Variants in APOA4 observed in about 807,000 individuals in gnomAD.
APOA4 encodes the protein apolipoprotein A4, also known as apolipoprotein A-IV.
Under a neutral mutation model 33.6 loss-of-function variants are expected in APOA4, and 25 were observed. That is an observed-to-expected ratio of 0.74 (90% confidence interval 0.54 to 1.04). APOA4 has a LOEUF of 1.04. Among genes scored for constraint, APOA4 ranks in the 50% least tolerant of loss-of-function variants. The probability of loss-of-function intolerance (pLI) is 0.00; values close to 1 mark genes in which losing one functional copy is unlikely to be tolerated. For synonymous variants in APOA4, 228 were observed against 224.0 expected, an observed-to-expected ratio of 1.02 and a Z score of -0.16; for missense variants, 549 against 510.4, an observed-to-expected ratio of 1.08 and a Z score of -0.73.
intron 1 of APOA4, 51 bp downstream of exon 1, chr11:116,823,092 C>T (rs770215184): frequency 3.1e-6 from 5 of 1,607,108 alleles, no homozygotes; most frequent in Non-Finnish European, 3.4e-6. Flanking sequence ...CCATCCTGCA[C>T]TACTCAGAGC....
Position 116,822,785 on chromosome 11 carries a change from C to G in APOA4, c.50G>C (p.Gly17Ala), listed in dbSNP as rs757213482. Residue 17 changes from glycine (G) to alanine (A), a missense_variant and splice_region_variant, in exon 2 of 3, where the codon GGA becomes GCA. Physicochemically the swap from Gly to Ala is moderately conservative, Grantham distance 60. Coordinates refer to ENST00000357780, the MANE Select transcript of APOA4 (RefSeq NM_000482.4). Reference sequence around the variant, plus strand: ...GTCAGCACTGACCTCAGCCCTGGCTCCTGGGTGGTAACAGAGAGCAATTCA... The same window carrying G: ...GTCAGCACTGACCTCAGCCCTGGCTGCTGGGTGGTAACAGAGAGCAATTCA... Reference protein sequence around the residue: ...VLTLALVAVAGARAEVSADQV... With the variant: ...VLTLALVAVAAARAEVSADQV... 1 of 1,613,860 alleles carries G rather than the reference C, an allele frequency of 6.2e-7. No homozygotes were observed. Among genetic ancestry groups the G allele is most frequent in the African/African-American group, 1.3e-5 (1 of 74,916 alleles).
chr11:116,821,370 T>G lies in APOA4; in HGVS notation c.688A>C (p.Thr230Pro). The G allele has an allele frequency of 6.2e-7, 1 of 1,614,170 alleles. No homozygotes were observed. Among genetic ancestry groups the G allele is most frequent in the Non-Finnish European group, 8.5e-7 (1 of 1,180,022 alleles). ...RRSLAPYAQD[T>P]QEKLNHQLEG... is the part of the protein sequence containing the mutation. ...AGCTGGTGGTTGAGCTTCTCCTGCG[T>G]GTCCTGAGCATAGGGAGCCAGGCTG... Residue 230 changes from threonine to proline, a missense_variant, in exon 3 of 3, where the codon ACG (threonine) becomes CCG (proline). Thr to Pro is a conservative substitution (Grantham distance 38). Transcript: ENST00000357780.
At position 116,820,819 on chromosome 11, in the gene APOA4, G is replaced by A; in HGVS notation, c.*48C>T. ...GGGACAGACAGACAGACAGGTGGCA[G>A]GGCAGGGCAGGTGTCCACGAGGGTG... On this transcript the variant is annotated 3_prime_UTR_variant, in exon 3 of 3. Transcript: ENST00000357780. 6.3e-7 allele frequency: 1 copy of A among 1,598,998 alleles called. No homozygotes were observed.
rs752656206 is a variant in APOA4 at position 116,820,950 on chromosome 11, G to T, written c.1108C>A (p.Leu370Ile). ...TCCTGCTGTTGCTCCAGCTCAGGGA[G>T]GGAGAGAGTCTTGTCCTGGCTCTCT... is the stretch of plus-strand genomic sequence containing the variant. ...EKESQDKTLS[L>I]PELEQQQEQQ... is the part of the protein sequence containing the mutation. Residue 370 changes from leucine (L) to isoleucine (I), a missense_variant, in exon 3 of 3, where the codon CTC (leucine) becomes ATC (isoleucine). By Grantham distance (5) the Leu-to-Ile change is conservative. Coordinates refer to ENST00000357780, the MANE Select transcript of APOA4 (RefSeq NM_000482.4). 1.2e-6 allele frequency: 2 copies of T among 1,613,960 alleles called. No homozygotes were observed. Among genetic ancestry groups the T allele is most frequent in the African/African-American group, 2.7e-5 (2 of 74,796 alleles).
rs13306173 is a variant in APOA4 at position 116,821,879 on chromosome 11, G to T, written c.179C>A (p.Ala60Asp). The change falls in exon 3 of 3, where the codon GCC becomes GAC. Residue 60 changes from alanine to aspartate, a missense_variant and splice_region_variant. By Grantham distance (126) the Ala-to-Asp change is moderately radical. Coordinates refer to ENST00000357780, the MANE Select transcript of APOA4 (RefSeq NM_000482.4). ...TTCTCCAAGTTTGTCCTGGAAGAGG[G>T]CACTGTGGGGAAGGGCACAAGGAGG... ...QKSELTQQLN[A>D]LFQDKLGEVN... 276 of 1,613,456 alleles carry T rather than the reference G, an allele frequency of 1.7e-4. 2 individuals are homozygous for T. The East Asian group carries it at 6.1e-3, about 35-fold the overall frequency.
chr11:116,822,901 G>T (rs1377467515), intron 1 of APOA4, 116 bp from the exon 2 acceptor site: 5 of 1,552,140 alleles, frequency 3.2e-6, no homozygotes, highest in African/African-American at 1.4e-5. Flanking sequence ...CATTTTCCCT[G>T]TCTGAGCTTA....
At chr11:116,821,984 G>C in intron 2 of APOA4, 103 bp from the exon 3 acceptor site, 1 of 1,486,222 alleles carries the variant, frequency 6.7e-7, no homozygotes, top group Non-Finnish European at 9.3e-7. Context: ...GCTAGGACAG[G>C]TGAGTGCTCA....
At chr11:116,822,932 A>C in intron 1 of APOA4, 147 bp from the exon 2 acceptor site, 1 of 1,449,906 alleles carries the variant, frequency 6.9e-7, no homozygotes, top group Non-Finnish European at 9.5e-7. Context: ...AGCCACAGGG[A>C]TATGTGAAAC....
At position 116,821,253 on chromosome 11, in the gene APOA4, G is replaced by A. The variant is rs1591322206; in HGVS notation, c.805C>T (p.Pro269Ser). ...SAEELRQRLAPLAEDVRGNLR... is the reference protein window; with the variant it reads ...SAEELRQRLASLAEDVRGNLR... ...TTGCCACGCACGTCCTCGGCCAAGG[G>A]CGCCAGCCTCTGCCGCAGCTCCTCG... The change falls in exon 3 of 3, where the codon CCC becomes TCC. Residue 269 changes from proline to serine, a missense_variant. Coordinates refer to ENST00000357780, the MANE Select transcript of APOA4 (RefSeq NM_000482.4). 1.9e-6 allele frequency: 3 copies of A among 1,613,138 alleles called. No individual in the cohort carries two copies. The highest frequency in any genetic ancestry group is 1.1e-5 in the South Asian group (1 of 91,076).
intron 2 of APOA4, 86 bp from the exon 3 acceptor site, chr11:116,821,967 C>A: frequency 1.3e-6 from 2 of 1,565,108 alleles, no homozygotes; most frequent in South Asian, 2.2e-5. Context: ...TCGCCTTATG[C>A]ACACGTGCTA....
intron 1 of APOA4, 119 bp downstream of exon 1, chr11:116,823,024 C>T: frequency 7.0e-7 from 1 of 1,433,982 alleles, no homozygotes; most frequent in Admixed American, 1.7e-5. Context: ...AGGCAGACCT[C>T]ATGTCCAGCT....
rs751283052 is a variant in APOA4, at chr11:116,821,235, G to A, written c.823C>T (p.Arg275Cys). The change falls in exon 3 of 3, where the codon CGT (arginine) becomes TGT (cysteine). Residue 275 changes from arginine (R) to cysteine (C), a missense_variant. Transcript: ENST00000357780. ...QRLAPLAEDV[R>C]GNLRGNTEGL... ...TCGGTGTTGCCCCTCAGGTTGCCACGCACGTCCTCGGCCAAGGGCGCCAGC... is the reference window on the plus strand; with the variant it reads ...TCGGTGTTGCCCCTCAGGTTGCCACACACGTCCTCGGCCAAGGGCGCCAGC... 76 of 1,612,838 alleles carry A rather than the reference G, an allele frequency of 4.7e-5. No homozygotes were observed. Among genetic ancestry groups the A allele is most frequent in the South Asian group, 8.8e-5 (8 of 91,078 alleles).
At position 116,820,841 on chromosome 11, in the gene APOA4, G is replaced by A. The variant is rs199639374; in HGVS notation, c.*26C>T. On this transcript the variant is annotated 3_prime_UTR_variant, in exon 3 of 3. Coordinates refer to ENST00000357780, the MANE Select transcript of APOA4 (RefSeq NM_000482.4). ...GCAGGGCAGGGCAGGTGTCCACGAGGGTGGGGCCAGTGCACCAGGGGCAGC... is the reference window on the plus strand; with the variant it reads ...GCAGGGCAGGGCAGGTGTCCACGAGAGTGGGGCCAGTGCACCAGGGGCAGC... 41 of 1,611,290 alleles carry A rather than the reference G, an allele frequency of 2.5e-5. No homozygotes were observed. In the African/African-American group the frequency reaches 4.0e-4, roughly 16 times the overall value.
rs757539189 is a variant in APOA4, at chr11:116,821,841, C to A, written c.217G>T (p.Ala73Ser). The change falls in exon 3 of 3, where the codon GCA becomes TCA. Residue 73 changes from alanine (A) to serine (S), a missense_variant. Coordinates refer to ENST00000357780, the MANE Select transcript of APOA4 (RefSeq NM_000482.4). ...QDKLGEVNTY[A>S]GDLQKKLVPF... Reference sequence around the variant, plus strand: ...ACCAGCTTCTTCTGCAGGTCACCTGCGTAAGTGTTCACTTCTCCAAGTTTG... The same window carrying A: ...ACCAGCTTCTTCTGCAGGTCACCTGAGTAAGTGTTCACTTCTCCAAGTTTG... The A allele has an allele frequency of 8.7e-6, 14 of 1,614,044 alleles. No individual in the cohort carries two copies. Among genetic ancestry groups the A allele is most frequent in the South Asian group, 2.2e-5 (2 of 91,086 alleles).
chr11:116,822,021 G>A, intron 2 of APOA4, 140 bp from the exon 3 acceptor site: 1 of 1,079,838 alleles, frequency 9.3e-7, no homozygotes, highest in Non-Finnish European at 1.4e-6. Context: ...CCTCCCTATG[G>A]TGGTGCAGAT....
Position 116,821,473 on chromosome 11 carries a change from C to T in APOA4, c.585G>A (p.Glu195=). The T allele has an allele frequency of 3.1e-6, 5 of 1,614,144 alleles. No individual in the cohort carries two copies. The highest frequency in any genetic ancestry group is 4.2e-6 in the Non-Finnish European group (5 of 1,180,012). ...AGGGCGTAAGGCGTCCCTTGAGCTC[C>T]TCCACGTTCTGGTCGATCTTGGCCT... ...ELKAKIDQNV[E]ELKGRLTPYA... Residue 195 remains glutamate, a synonymous_variant, in exon 3 of 3, where the codon GAG becomes GAA. Coordinates refer to ENST00000357780, the MANE Select transcript of APOA4 (RefSeq NM_000482.4).
intron 2 of APOA4, 78 bp from the exon 3 acceptor site, chr11:116,821,959 G>A (rs754136802): frequency 3.0e-5 from 47 of 1,580,824 alleles, no homozygotes; most frequent in East Asian, 6.7e-5. Context: ...TATACCACTC[G>A]CCTTATGCAC....
intron 2 of APOA4, among the ~76,000 whole-genome samples, chr11:116,822,182 T>A (rs949532689): frequency 2.6e-5 from 4 of 152,176 alleles, no homozygotes. Context: ...TTGAGGTCCT[T>A]CCCAGAGGGA....
chr11:116,822,792 G>A lies in APOA4; in HGVS notation c.50-7C>T, dbSNP rs574882590. On this transcript the variant is annotated splice_region_variant and splice_polypyrimidine_tract_variant and intron_variant, in intron 1 of 2. Coordinates refer to ENST00000357780, the MANE Select transcript of APOA4 (RefSeq NM_000482.4). ...CTGACCTCAGCCCTGGCTCCTGGGT[G>A]GTAACAGAGAGCAATTCATGAGGCC... 6.2e-7 allele frequency: 1 copy of A among 1,614,082 alleles called. No homozygotes were observed. The highest frequency in any genetic ancestry group is 1.3e-5 in the African/African-American group (1 of 75,044).
Sources: allele counts gnomAD v4.1 joint callset (sites outside exome capture counted in the v4.1 genomes callset), GRCh38; gene constraint gnomAD v4.1.1; transcripts MANE v1.5; gene names NCBI Gene and HGNC (gene_info 2026-07-23, HGNC 2026-07-21).